The following ARHGEF26 variants were observed in gnomAD, a reference collection of about 807,000 sequenced individuals.
The protein encoded by ARHGEF26 is Rho guanine nucleotide exchange factor (GEF) 26.
ARHGEF26 carries 59 observed loss-of-function variants against 89.4 expected under a neutral mutation model. The observed-to-expected ratio is 0.66, with a 90% CI of 0.54 to 0.82. The LOEUF is 0.82. Among genes scored for constraint, ARHGEF26 ranks in the 40% least tolerant of loss-of-function variants. The pLI, the probability that ARHGEF26 is intolerant of heterozygous loss-of-function variation, is 0.00. For missense variants in ARHGEF26, 1,234 were observed against 1,085.6 expected (o/e 1.14, Z -1.92); for synonymous variants, 500 against 428.4 (o/e 1.17, Z -2.06).
chr3:154,187,574 G>A, intron 6 of ARHGEF26, 111 bp from the exon 7 acceptor site: 1 of 863,256 alleles, frequency 1.2e-6, no homozygotes, highest in Non-Finnish European at 1.7e-6. Context: ...AGTTGGTACT[G>A]TGTACTGTTG....
chr3:154,231,306 G>A lies in ARHGEF26; in HGVS notation c.2090+5296G>A, dbSNP rs554873041. Among the ~76,000 whole-genome samples, 34 of 152,274 alleles carry A rather than the reference G, an allele frequency of 2.2e-4. No homozygotes were observed. The East Asian group carries it at 6.4e-3, about 29-fold the overall frequency. On this transcript the variant is annotated intron_variant, in intron 11 of 14. Coordinates refer to ENST00000465093, the MANE Select transcript of ARHGEF26 (RefSeq NM_015595.4). ...GTATTGTTTCCCCTGCATCTGTAAG[G>A]AGAGTTGGCATTGCTGTTAAATGTT...
chr3:154,195,300 G>A (rs1714222095), intron 9 of ARHGEF26, among the ~76,000 whole-genome samples: 2 of 152,196 alleles, frequency 1.3e-5, no homozygotes, highest in Admixed American at 1.3e-4. Context: ...TCTCCATGTG[G>A]CTAGGATGCA....
intron 6 of ARHGEF26, among the ~76,000 whole-genome samples, chr3:154,186,222 A>G (rs1429687614): frequency 2.0e-5 from 3 of 152,066 alleles, no homozygotes; most frequent in East Asian, 1.9e-4. Context: ...TGATAGGAAT[A>G]TACCCCAGAG....
Position 154,194,606 on chromosome 3 carries a change from T to G in ARHGEF26, c.1771-38T>G, listed in dbSNP as rs578254051. 3.9e-5 allele frequency: 56 copies of G among 1,440,782 alleles called. No individual in the cohort carries two copies. The African/African-American group carries it at 6.5e-4, about 17-fold the overall frequency. The allele number at this position is 1,440,782 out of a possible 1,614,324, so 89.2% of individuals were successfully genotyped here. A position where few individuals can be genotyped will look rare whatever the true frequency, so the allele number is the denominator to read the frequency against. ...ATTGGTTTTATTTTACTTAATAAAA[T>G]AGATCAATAAATTTTGTTCACTTTT... On this transcript the variant is annotated intron_variant, in intron 8 of 14. Coordinates refer to ENST00000465093, the MANE Select transcript of ARHGEF26 (RefSeq NM_015595.4).
At chr3:154,248,879 C>CT (rs549290169) in intron 12 of ARHGEF26, among the ~76,000 whole-genome samples, 1 of 152,040 alleles carries the variant, frequency 6.6e-6, no homozygotes, top group Non-Finnish European at 1.5e-5. Context: ...TTTTTAATGA[C>CT]TTTTTTTCAC....
chr3:154,166,994 A>G lies in ARHGEF26; in HGVS notation c.1487+14062A>G, dbSNP rs149737184. Among the ~76,000 whole-genome samples, 1,050 of 152,274 alleles carry G rather than the reference A, an allele frequency of 6.9e-3. 16 individuals are homozygous for G. Among genetic ancestry groups the G allele is most frequent in the African/African-American group, 0.024 (978 of 41,558 alleles). On this transcript the variant is annotated intron_variant, in intron 6 of 14. Transcript: ENST00000465093. ...ACCAGTACCTATTTACTTTTAGTCC[A>G]TCAAACAGCCAGAGTCTTAAGAATA...
At chr3:154,220,201 C>T (rs1159218482) in intron 10 of ARHGEF26, among the ~76,000 whole-genome samples, 1 of 151,960 alleles carries the variant, frequency 6.6e-6, no homozygotes, top group Non-Finnish European at 1.5e-5. Flanking sequence ...ATGATTTATC[C>T]AAGTACATGG....
chr3:154,223,864 T>C (rs1312829023), intron 10 of ARHGEF26, among the ~76,000 whole-genome samples: 2 of 152,178 alleles, frequency 1.3e-5, no homozygotes, highest in Non-Finnish European at 2.9e-5. Flanking sequence ...GTAAATTTTA[T>C]CTCAACATTA....
intron 9 of ARHGEF26, among the ~76,000 whole-genome samples, chr3:154,201,533 T>G (rs1464040472): frequency 1.3e-5 from 2 of 152,232 alleles, no homozygotes; most frequent in Admixed American, 1.3e-4. Flanking sequence ...ATGGGATGGC[T>G]GGGTCAAATG....
intron 9 of ARHGEF26, among the ~76,000 whole-genome samples, chr3:154,204,057 G>A (rs1714844683): frequency 6.6e-6 from 1 of 152,020 alleles, no homozygotes; most frequent in African/African-American, 2.4e-5. Flanking sequence ...TCCTGGAATA[G>A]GTGGGGTAGG....
intron 3 of ARHGEF26, 107 bp downstream of exon 3, chr3:154,124,556 C>A (rs1718210630): frequency 7.1e-6 from 7 of 984,696 alleles, no homozygotes; most frequent in African/African-American, 1.7e-5. Context: ...AGAAATATGT[C>A]CAACTTCTTC....
At chr3:154,240,712 C>T in intron 12 of ARHGEF26, 133 bp downstream of exon 12, 2 of 707,832 alleles carry the variant, frequency 2.8e-6, no homozygotes, top group Non-Finnish European at 4.6e-6. Flanking sequence ...TCGCTAAGCA[C>T]TATGACTGGG....
intron 12 of ARHGEF26, among the ~76,000 whole-genome samples, chr3:154,244,447 G>A (rs1320062063): frequency 6.6e-6 from 1 of 152,122 alleles, no homozygotes; most frequent in Non-Finnish European, 1.5e-5. Flanking sequence ...AGAACATGAC[G>A]AAGGGACCCA....
chr3:154,234,344 G>T (rs1282965818), intron 11 of ARHGEF26, among the ~76,000 whole-genome samples: 1 of 152,060 alleles, frequency 6.6e-6, no homozygotes, highest in African/African-American at 2.4e-5. Context: ...TGCTAATAAG[G>T]ATTAAGATGA....
At chr3:154,126,660 A>G (rs1718348069) in intron 3 of ARHGEF26, among the ~76,000 whole-genome samples, 2 of 152,184 alleles carry the variant, frequency 1.3e-5, no homozygotes, top group Admixed American at 1.3e-4. Flanking sequence ...AGTTTTTACC[A>G]TTGCCTACAA....
At chr3:154,219,960 A>G (rs1383452307) in intron 10 of ARHGEF26, among the ~76,000 whole-genome samples, 7 of 152,164 alleles carry the variant, frequency 4.6e-5, no homozygotes, top group Admixed American at 3.3e-4. Flanking sequence ...AGTGATTAAC[A>G]TCAGTTGAGT....
chr3:154,225,330 A>G (rs530071115), intron 10 of ARHGEF26, among the ~76,000 whole-genome samples: 124 of 152,296 alleles, frequency 8.1e-4, no homozygotes, highest in African/African-American at 2.6e-3. Context: ...GGCTAAATAG[A>G]TAATTTGTAG....
chr3:154,168,429 T>C (rs991429971), intron 6 of ARHGEF26, among the ~76,000 whole-genome samples: 4 of 152,010 alleles, frequency 2.6e-5, no homozygotes, highest in African/African-American at 9.7e-5. Flanking sequence ...ATACAAAAAT[T>C]AGCCAGGCGT....
intron 6 of ARHGEF26, among the ~76,000 whole-genome samples, chr3:154,183,393 C>A (rs921629159): frequency 6.6e-6 from 1 of 152,162 alleles, no homozygotes; most frequent in Non-Finnish European, 1.5e-5. Flanking sequence ...GTATTATCCC[C>A]GAAAAAAATT....
Sources: allele counts gnomAD v4.1 joint callset (sites outside exome capture counted in the v4.1 genomes callset), GRCh38; gene constraint gnomAD v4.1.1; transcripts MANE v1.5; gene names NCBI Gene and HGNC (gene_info 2026-07-23, HGNC 2026-07-21).